Variants in ITGA1 observed in about 807,000 individuals in gnomAD.
ITGA1 encodes the protein integrin alpha-1.
In ITGA1, 85 loss-of-function variants were observed where a neutral mutation model predicts 145.9. That is an observed-to-expected ratio of 0.58 (90% CI 0.49 to 0.70). ITGA1 has a LOEUF of 0.70. ITGA1 is among the 30% of genes least tolerant of loss of function. The pLI is 0.00. For missense variants in ITGA1, 1,351 were observed against 1,418.7 expected, an observed-to-expected ratio of 0.95 and a Z score of 0.77; for synonymous variants, 520 against 495.3, an observed-to-expected ratio of 1.05 and a Z score of -0.66.
intron 6 of ITGA1, among the ~76,000 whole-genome samples, chr5:52,877,498 A>G (rs1173723162): frequency 6.6e-6 from 1 of 152,214 alleles, no homozygotes; most frequent in East Asian, 1.9e-4. Flanking sequence ...TTTACCATTG[A>G]CATGGCAACA....
At chr5:52,836,760 CA>C (rs1749168306) in intron 1 of ITGA1, among the ~76,000 whole-genome samples, 1 of 151,988 alleles carries the variant, frequency 6.6e-6, no homozygotes, top group Admixed American at 6.6e-5. Flanking sequence ...CTATTTTGTG[CA>C]TTTTTTGCTT....
intron 1 of ITGA1, among the ~76,000 whole-genome samples, chr5:52,817,529 C>T (rs1250795170): frequency 6.6e-6 from 1 of 152,086 alleles, no homozygotes; most frequent in Non-Finnish European, 1.5e-5. Context: ...TATGCCCAGG[C>T]CATGTAGAGA....
At chr5:52,819,330 A>T (rs1030611559) in intron 1 of ITGA1, among the ~76,000 whole-genome samples, 2 of 152,124 alleles carry the variant, frequency 1.3e-5, no homozygotes, top group Middle Eastern at 3.2e-3. Flanking sequence ...CTTTTTAATG[A>T]TCGCCATTCT....
intron 9 of ITGA1, among the ~76,000 whole-genome samples, chr5:52,894,522 A>G (rs1260816213): frequency 6.7e-6 from 1 of 149,996 alleles, no homozygotes; most frequent in African/African-American, 2.4e-5. Context: ...CTAAAAAACA[A>G]AAAAAAAAAG....
chr5:52,877,317 A>G (rs973976876), intron 6 of ITGA1, among the ~76,000 whole-genome samples: 2 of 152,150 alleles, frequency 1.3e-5, no homozygotes, highest in African/African-American at 4.8e-5. Flanking sequence ...GACCATTGCC[A>G]TGGTCCAAGT....
intron 15 of ITGA1, among the ~76,000 whole-genome samples, chr5:52,918,471 C>T (rs1163048068): frequency 2.0e-5 from 3 of 152,154 alleles, no homozygotes; most frequent in Admixed American, 2.0e-4. Context: ...CACTTGATTC[C>T]ATCTCTTTTC....
intron 26 of ITGA1, 88 bp from the exon 27 acceptor site, chr5:52,944,855 T>A: frequency 1.1e-6 from 1 of 879,608 alleles, no homozygotes; most frequent in East Asian, 2.5e-5. Flanking sequence ...AGAAAAATCT[T>A]AGCTTTTATA....
chr5:52,891,161 G>A (rs1189567437), intron 8 of ITGA1, among the ~76,000 whole-genome samples: 1 of 151,158 alleles, frequency 6.6e-6, no homozygotes. Context: ...TCTATATCTT[G>A]TCTATTGTAA....
chr5:52,876,777 TCAAA>T (rs1749874414), intron 6 of ITGA1, among the ~76,000 whole-genome samples: 1 of 152,132 alleles, frequency 6.6e-6, no homozygotes, highest in Non-Finnish European at 1.5e-5. Flanking sequence ...TAGTGTGCAC[TCAAA>T]CAGTTGAGAA....
In ITGA1 at chr5:52,842,173, TC is replaced by T. The variant is rs753527140; in HGVS notation, c.62-7190del. Among the ~76,000 whole-genome samples, 80 of 152,232 alleles carry T rather than the reference TC, an allele frequency of 5.3e-4. 1 individual carries two copies. The highest frequency in any genetic ancestry group is 6.8e-3 in the Middle Eastern group (2 of 294). On this transcript the variant is annotated intron_variant, in intron 1 of 28. Transcript: ENST00000282588. ...AGGCCCAACTTGTGATTGGCTCAGA[TC>T]CTAGGTGGTATCACAGATATGCATC...
intron 13 of ITGA1, 118 bp downstream of exon 13, chr5:52,909,159 A>T: frequency 9.8e-7 from 1 of 1,019,072 alleles, no homozygotes; most frequent in Non-Finnish European, 1.4e-6. Context: ...AGCTATCAGG[A>T]TTCATTCACT....
At chr5:52,788,657 A>G (rs991011644) in intron 1 of ITGA1, among the ~76,000 whole-genome samples, 1 of 152,236 alleles carries the variant, frequency 6.6e-6, no homozygotes, top group African/African-American at 2.4e-5. Context: ...GGCAGCACTG[A>G]AAACCTTAGA....
rs1235732338 is a variant in ITGA1, at chr5:52,865,755, A to T, written c.562A>T (p.Ser188Cys). 5 of 1,605,666 alleles carry T rather than the reference A, an allele frequency of 3.1e-6. No individual in the cohort carries two copies. The highest frequency in any genetic ancestry group is 4.2e-6 in the Non-Finnish European group (5 of 1,176,476). The change falls in exon 6 of 29, where the codon AGT becomes TGT. Residue 188 changes from serine (S) to cysteine (C), a missense_variant. Physicochemically the swap from Ser to Cys is moderately radical, Grantham distance 112. Transcript: ENST00000282588. Reference protein sequence around the residue: ...DGSNSIYPWDSVTAFLNDLLE... With the variant: ...DGSNSIYPWDCVTAFLNDLLE... The stretch of plus-strand genomic sequence containing the variant: ...TTCCAACAGTATTTACCCATGGGAC[A>T]GTGTTACAGCTTTTTTAAATGACCT...
chr5:52,837,896 C>T (rs1724393832), intron 1 of ITGA1, among the ~76,000 whole-genome samples: 1 of 152,206 alleles, frequency 6.6e-6, no homozygotes, highest in South Asian at 2.1e-4. Context: ...AAAGTTATCT[C>T]TTTCCTCTGA....
At chr5:52,882,827 A>C (rs557528928) in intron 7 of ITGA1, 18 of 152,220 alleles carry the variant, frequency 1.2e-4, no homozygotes, top group Non-Finnish European at 1.8e-4. Context: ...TAGTTTGATT[A>C]ATGTTAAGAA....
rs565250160 is a variant in ITGA1 at position 52,796,155 on chromosome 5, G to A, written c.61+7741G>A. ...CTCAATTCTTCAGTGAAATAAATTGGGTTCCAGAGAGACTGAGTACTGCCA... is the reference window on the plus strand; with the variant it reads ...CTCAATTCTTCAGTGAAATAAATTGAGTTCCAGAGAGACTGAGTACTGCCA... On this transcript the variant is annotated intron_variant, in intron 1 of 28. Coordinates refer to ENST00000282588, the MANE Select transcript of ITGA1 (RefSeq NM_181501.2). 1.5e-4 allele frequency among the ~76,000 whole-genome samples: 23 copies of A among 151,914 alleles called. No homozygotes were observed. In the South Asian group the frequency reaches 3.1e-3, roughly 21 times the overall value.
rs368860799 is a variant in ITGA1, at chr5:52,788,391, T to A, written c.38T>A (p.Val13Asp). 19 of 1,513,136 alleles carry A rather than the reference T, an allele frequency of 1.3e-5. No homozygotes were observed. The African/African-American group carries it at 2.0e-4, about 16-fold the overall frequency. The allele number at this position is 1,513,136 out of a possible 1,614,324, so 93.7% of individuals were successfully genotyped here. A position where few individuals can be genotyped will look rare whatever the true frequency, so the allele number is the denominator to read the frequency against. The change falls in exon 1 of 29, where the codon GTC becomes GAC. Residue 13 changes from valine to aspartate, a missense_variant. Transcript: ENST00000282588. The part of the protein sequence containing the change: ...PRPRARPGVA[V>D]ACCWLLTVVL... ...CCCCGCGCCCGCCCAGGGGTCGCTG[T>A]CGCCTGCTGCTGGCTCCTCACTGGT...
rs115589303 is a variant in ITGA1, at chr5:52,899,660, A to G, written c.1309+1277A>G. ...TCAGCTCCCGAAGCAATTCCCTGCTACAAGTCTCACTCTCTCGAAAACTTA... is the reference window on the plus strand; with the variant it reads ...TCAGCTCCCGAAGCAATTCCCTGCTGCAAGTCTCACTCTCTCGAAAACTTA... On this transcript the variant is annotated intron_variant, in intron 11 of 28. Coordinates refer to ENST00000282588, the MANE Select transcript of ITGA1 (RefSeq NM_181501.2). Among the ~76,000 whole-genome samples the G allele has an allele frequency of 2.7e-3, 409 of 152,306 alleles. 3 individuals are homozygous for G. The highest frequency in any genetic ancestry group is 9.4e-3 in the African/African-American group (390 of 41,578).
intron 19 of ITGA1, among the ~76,000 whole-genome samples, chr5:52,926,920 C>T (rs950781056): frequency 2.0e-5 from 3 of 151,978 alleles, no homozygotes; most frequent in Non-Finnish European, 2.9e-5. Flanking sequence ...TGCAGAGATG[C>T]GAAGATAAAA....
Sources: allele counts gnomAD v4.1 joint callset (sites outside exome capture counted in the v4.1 genomes callset), GRCh38; gene constraint gnomAD v4.1.1; transcripts MANE v1.5; gene names NCBI Gene and HGNC (gene_info 2026-07-23, HGNC 2026-07-21).